Variants in TIAM1 observed in about 807,000 individuals in gnomAD.
The protein encoded by TIAM1 is rho guanine nucleotide exchange factor TIAM1.
TIAM1 carries 65 observed loss-of-function variants against 163.5 expected under a neutral mutation model. The ratio of observed to expected loss-of-function variants is 0.40; its 90% CI spans 0.33 to 0.49. The LOEUF (loss-of-function observed/expected upper bound fraction) is 0.49, where lower values mean the gene tolerates loss of function less well. Among genes scored for constraint, TIAM1 ranks in the 20% least tolerant of loss-of-function variants. The pLI, the probability that TIAM1 is intolerant of heterozygous loss-of-function variation, is 0.77. For synonymous variants in TIAM1, 833 were observed against 810.1 expected (o/e 1.03, Z -0.48); for missense variants, 1,789 against 2,044.7 (o/e 0.87, Z 2.41).
intron 2 of TIAM1, among the ~76,000 whole-genome samples, chr21:31,412,281 C>T (rs746672108): frequency 6.6e-5 from 10 of 152,040 alleles, no homozygotes; most frequent in Admixed American, 4.6e-4. Context: ...GAAAGGATGG[C>T]GGGGTGCAAA....
chr21:31,139,763 A>C (rs1254981796), intron 22 of TIAM1, among the ~76,000 whole-genome samples: 1 of 152,182 alleles, frequency 6.6e-6, no homozygotes, highest in Non-Finnish European at 1.5e-5. Flanking sequence ...TGTAAAAACA[A>C]AATTGTGTTG....
rs532142607 is a variant in TIAM1, at chr21:31,427,283, G to A, written c.-369+36700C>T. On this transcript the variant is annotated intron_variant, in intron 2 of 28. Coordinates refer to the TIAM1 transcript ENST00000286827. The stretch of plus-strand genomic sequence containing the variant: ...GGGCGGATCACGAGGTCAGGGGATC[G>A]AGACCATCCTGGCTAATATGGTGAA... 5.9e-5 allele frequency among the ~76,000 whole-genome samples: 9 copies of A among 152,188 alleles called. No individual in the cohort carries two copies. The South Asian group carries it at 1.2e-3, about 21-fold the overall frequency.
chr21:31,226,525 A>T (rs1427120442), intron 6 of TIAM1, among the ~76,000 whole-genome samples: 1 of 152,130 alleles, frequency 6.6e-6, no homozygotes, highest in Non-Finnish European at 1.5e-5. Context: ...GCCGCCCAAC[A>T]ACACTCCATG....
chr21:31,338,639 A>G (rs2075924959), intron 2 of TIAM1, among the ~76,000 whole-genome samples: 1 of 152,186 alleles, frequency 6.6e-6, no homozygotes, highest in Non-Finnish European at 1.5e-5. Flanking sequence ...ACATACAGGA[A>G]GTAGGGAGGG....
At chr21:31,239,996 G>A (rs1371332878) in intron 6 of TIAM1, among the ~76,000 whole-genome samples, 3 of 152,158 alleles carry the variant, frequency 2.0e-5, no homozygotes, top group Non-Finnish European at 4.4e-5. Flanking sequence ...CAACAGAAAT[G>A]TGGACAAACA....
At chr21:31,433,990 GT>G (rs1351308098) in intron 2 of TIAM1, among the ~76,000 whole-genome samples, 1 of 152,044 alleles carries the variant, frequency 6.6e-6, no homozygotes, top group African/African-American at 2.4e-5. Context: ...TAGAGACAGG[GT>G]TTTGCCACGT....
intron 2 of TIAM1, among the ~76,000 whole-genome samples, chr21:31,278,017 T>C (rs1041991226): frequency 2.0e-5 from 3 of 152,184 alleles, no homozygotes; most frequent in African/African-American, 7.2e-5. Flanking sequence ...ATTAAGGTGT[T>C]GGACAACAGA....
intron 1 of TIAM1, among the ~76,000 whole-genome samples, chr21:31,479,796 T>C (rs2046054375): frequency 6.6e-6 from 1 of 152,134 alleles, no homozygotes; most frequent in African/African-American, 2.4e-5. Flanking sequence ...TATCTCCACA[T>C]TGATACACTT....
intron 2 of TIAM1, among the ~76,000 whole-genome samples, chr21:31,295,431 C>T (rs756275385): frequency 4.4e-5 from 6 of 135,382 alleles, no homozygotes; most frequent in Non-Finnish European, 9.1e-5. Context: ...GATCACGCCA[C>T]TGCATTCCAG....
chr21:31,277,124 C>T (rs551610711), intron 2 of TIAM1, among the ~76,000 whole-genome samples: 22 of 152,280 alleles, frequency 1.4e-4, no homozygotes, highest in Non-Finnish European at 1.3e-4. Flanking sequence ...TTCCCAGATG[C>T]TTAAGGCATT....
At chr21:31,431,103 G>A (rs1014892774) in intron 2 of TIAM1, among the ~76,000 whole-genome samples, 1 of 152,102 alleles carries the variant, frequency 6.6e-6, no homozygotes, top group African/African-American at 2.4e-5. Context: ...TGGGTCTCCT[G>A]GCTTGAAAAT....
At chr21:31,165,924 G>A (rs1205806614) in intron 15 of TIAM1, among the ~76,000 whole-genome samples, 1 of 152,176 alleles carries the variant, frequency 6.6e-6, no homozygotes, top group Non-Finnish European at 1.5e-5. Flanking sequence ...CTGTGCAAAA[G>A]TGCAAGCAAC....
At chr21:31,245,297 G>A (rs2071437636) in intron 6 of TIAM1, among the ~76,000 whole-genome samples, 191 bp downstream of exon 6, 1 of 147,390 alleles carries the variant, frequency 6.8e-6, no homozygotes, top group Non-Finnish European at 1.5e-5. Context: ...ACCTACTCCT[G>A]GAATTTAATA....
At chr21:31,378,175 G>A (rs9974238) in intron 2 of TIAM1, among the ~76,000 whole-genome samples, 8,554 of 150,068 alleles carry the variant, frequency 0.057, 594 homozygotes, top group African/African-American at 0.16. Flanking sequence ...AAAGCTGCAG[G>A]AGAGAGAATG....
rs1400078489 is a variant in TIAM1, at chr21:31,119,615, C to T, written c.*753G>A. 1 of 152,578 alleles carries T rather than the reference C, an allele frequency of 6.6e-6. No individual in the cohort carries two copies. The highest frequency in any genetic ancestry group is 1.5e-5 in the Non-Finnish European group (1 of 68,032). The allele number at this position is 152,578 out of a possible 1,614,324, so 9.5% of individuals were successfully genotyped here. ...TTTTTTAGGCTCAGGGATACATACA[C>T]TAACACTGTAAAATTCTCATCTATT... On this transcript the variant is annotated 3_prime_UTR_variant, in exon 28 of 28. Transcript: ENST00000541036.
chr21:31,161,035 T>TGTGTGTGTG (rs2083892354), intron 16 of TIAM1: 7 of 143,368 alleles, frequency 4.9e-5, no homozygotes, highest in African/African-American at 1.5e-4. Flanking sequence ...CTAAGAAAAG[T>TGTGTGTGTG]TGTGTGTGTG....
chr21:31,187,239 G>C, intron 13 of TIAM1, 152 bp from the exon 14 acceptor site: 1 of 677,458 alleles, frequency 1.5e-6, no homozygotes, highest in Admixed American at 2.6e-5. Context: ...GCAGAAAAGT[G>C]TATTTTTAGA....
intron 2 of TIAM1, among the ~76,000 whole-genome samples, chr21:31,367,994 G>T (rs1285792367): frequency 6.6e-6 from 1 of 152,080 alleles, no homozygotes; most frequent in East Asian, 1.9e-4. Flanking sequence ...CCCAAAAATA[G>T]CCACTCTAGA....
intron 13 of TIAM1, among the ~76,000 whole-genome samples, chr21:31,189,682 G>T (rs1253147372): frequency 6.6e-6 from 1 of 152,062 alleles, no homozygotes; most frequent in Non-Finnish European, 1.5e-5. Flanking sequence ...CCCTTTCACT[G>T]TTCCAGGTAG....
Sources: gnomAD v4.1 joint callset for allele counts (sites outside exome capture counted in the v4.1 genomes callset) on GRCh38, gnomAD v4.1.1 for gene constraint, MANE v1.5 for transcripts, NCBI Gene and HGNC (gene_info 2026-07-23, HGNC 2026-07-21) for gene names.